The following FILIP1L variants were observed in gnomAD, a reference collection of about 807,000 sequenced individuals.
The protein encoded by FILIP1L is filamin A-interacting protein 1-like.
A neutral mutation model predicts 96.6 loss-of-function variants in FILIP1L; 55 were observed. That is an observed-to-expected ratio of 0.57 (90% CI 0.46 to 0.71). FILIP1L has a LOEUF of 0.71. Among genes scored for constraint, FILIP1L ranks in the 30% least tolerant of loss-of-function variants. FILIP1L has a pLI of 0.00. For missense variants in FILIP1L, 1,304 were observed against 1,321.2 expected, an observed-to-expected ratio of 0.99 and a Z score of 0.20; for synonymous variants, 467 against 473.9, an observed-to-expected ratio of 0.99 and a Z score of 0.19.
chr3:100,010,108 C>A (rs1301223506), intron 1 of FILIP1L: 1 of 914,668 alleles, frequency 1.1e-6, no homozygotes. Context: ...TCACTTTTTT[C>A]TTTCTGTCTC....
At chr3:99,838,306 C>G (rs1942980919) in intron 5 of FILIP1L, among the ~76,000 whole-genome samples, 1 of 152,152 alleles carries the variant, frequency 6.6e-6, no homozygotes. Context: ...TCTCTTGTCA[C>G]CCTAACAGTG....
chr3:99,944,065 T>G (rs769804566), intron 1 of FILIP1L, among the ~76,000 whole-genome samples: 1 of 152,194 alleles, frequency 6.6e-6, no homozygotes, highest in Non-Finnish European at 1.5e-5. Context: ...CCTTCCCTCT[T>G]AGAACATCAA....
At chr3:99,937,473 A>G (rs1225833026) in intron 1 of FILIP1L, among the ~76,000 whole-genome samples, 1 of 152,246 alleles carries the variant, frequency 6.6e-6, no homozygotes, top group Non-Finnish European at 1.5e-5. Context: ...CTTAATAGAA[A>G]GAGTATGAGA....
At chr3:99,897,164 G>C (rs992750008) in intron 4 of FILIP1L, among the ~76,000 whole-genome samples, 1 of 152,130 alleles carries the variant, frequency 6.6e-6, no homozygotes, top group Non-Finnish European at 1.5e-5. Flanking sequence ...TTCGAGACCA[G>C]CCTAGCCAAC....
chr3:100,084,859 C>T (rs1251885632), intron 1 of FILIP1L, among the ~76,000 whole-genome samples: 1 of 152,112 alleles, frequency 6.6e-6, no homozygotes, highest in Non-Finnish European at 1.5e-5. Flanking sequence ...AATACCTATC[C>T]CCAATCAGTC....
Position 99,848,667 on chromosome 3 carries a change from C to G in FILIP1L, c.3009G>C (p.Gln1003His). The change falls in exon 5 of 6, where the codon CAG (glutamine) becomes CAC (histidine). Residue 1003 changes from glutamine to histidine, a missense_variant. By Grantham distance (24) the Gln-to-His change is conservative. Coordinates refer to ENST00000477258, the MANE Select transcript of FILIP1L (RefSeq NM_001387850.1). ...TAGCTGAACCAGTCACAGCCAAAAC[C>G]TGAATAGGGGACATTGTCCTTTCTG... ...LTPERTMSPIQVLAVTGSASS... is the reference protein window; with the variant it reads ...LTPERTMSPIHVLAVTGSASS... The G allele has an allele frequency of 6.2e-7, 1 of 1,614,186 alleles. No homozygotes were observed. The highest frequency in any genetic ancestry group is 8.5e-7 in the Non-Finnish European group (1 of 1,180,028).
chr3:99,921,524 G>C (rs113730975), intron 4 of FILIP1L, among the ~76,000 whole-genome samples: 3 of 152,158 alleles, frequency 2.0e-5, no homozygotes, highest in Non-Finnish European at 4.4e-5. Flanking sequence ...CAAGGGAGTT[G>C]AGAATAGGTT....
At chr3:100,010,865 G>A (rs1412242501) in intron 1 of FILIP1L, among the ~76,000 whole-genome samples, 5 of 141,754 alleles carry the variant, frequency 3.5e-5, no homozygotes, top group African/African-American at 1.3e-4. Flanking sequence ...CTGACCTCAT[G>A]ATCCGCCTGC....
chr3:99,917,967 TTTTTG>T (rs1218470674), intron 4 of FILIP1L, among the ~76,000 whole-genome samples: 6 of 151,938 alleles, frequency 3.9e-5, no homozygotes, highest in Non-Finnish European at 7.4e-5. Context: ...GTTTGTTTGT[TTTTTG>T]TTTTGTTTTG....
chr3:99,959,238 TCC>T (rs1298062248), intron 1 of FILIP1L, among the ~76,000 whole-genome samples: 1 of 152,210 alleles, frequency 6.6e-6, no homozygotes, highest in Non-Finnish European at 1.5e-5. Flanking sequence ...AACCTCCAAC[TCC>T]CAGGTTACAA....
At chr3:99,969,631 G>A (rs915605330) in intron 1 of FILIP1L, among the ~76,000 whole-genome samples, 1 of 152,186 alleles carries the variant, frequency 6.6e-6, no homozygotes, top group African/African-American at 2.4e-5. Context: ...AGATTGGAGA[G>A]CAGAGGTAGT....
intron 1 of FILIP1L, among the ~76,000 whole-genome samples, chr3:100,014,627 T>TTGGA (rs1273235619): frequency 6.6e-6 from 1 of 152,070 alleles, no homozygotes; most frequent in African/African-American, 2.4e-5. Flanking sequence ...TGTTGGCCAT[T>TTGGA]TGGATGTCTT....
At chr3:99,921,276 G>T (rs768332425) in intron 4 of FILIP1L, among the ~76,000 whole-genome samples, 15 of 152,176 alleles carry the variant, frequency 9.9e-5, no homozygotes, top group Admixed American at 2.0e-4. Context: ...CCTCCTCTGA[G>T]CGTTTATTTA....
intron 4 of FILIP1L, among the ~76,000 whole-genome samples, chr3:99,908,884 G>C (rs1706706183): frequency 6.6e-6 from 1 of 152,072 alleles, no homozygotes; most frequent in Non-Finnish European, 1.5e-5. Context: ...GTGTGTGTGT[G>C]TGTGTTCTTT....
chr3:99,903,506 T>C (rs1706510172), intron 4 of FILIP1L, among the ~76,000 whole-genome samples: 1 of 152,116 alleles, frequency 6.6e-6, no homozygotes, highest in Admixed American at 6.5e-5. Flanking sequence ...TGCCTCGGCC[T>C]CCCAAAGTGC....
chr3:100,042,102 A>T (rs985006192), intron 1 of FILIP1L, among the ~76,000 whole-genome samples: 1 of 152,190 alleles, frequency 6.6e-6, no homozygotes, highest in South Asian at 2.1e-4. Context: ...TGTCATATTA[A>T]TAGAAATTCT....
At chr3:99,972,289 C>A (rs1708845804) in intron 1 of FILIP1L, among the ~76,000 whole-genome samples, 1 of 152,128 alleles carries the variant, frequency 6.6e-6, no homozygotes, top group Non-Finnish European at 1.5e-5. Flanking sequence ...TAGTTTTGTT[C>A]ATTTGCCGAA....
At chr3:99,975,486 G>A (rs1708942196) in intron 1 of FILIP1L, among the ~76,000 whole-genome samples, 1 of 152,124 alleles carries the variant, frequency 6.6e-6, no homozygotes, top group African/African-American at 2.4e-5. Context: ...CAGCTACTCG[G>A]GAGGCTGAGG....
At chr3:99,880,007 G>T (rs2107600701) in intron 4 of FILIP1L, among the ~76,000 whole-genome samples, 1 of 152,278 alleles carries the variant, frequency 6.6e-6, no homozygotes, top group Non-Finnish European at 1.5e-5. Flanking sequence ...CAGCCTTCTT[G>T]CAAAGCAGCT....
Sources: allele counts gnomAD v4.1 joint callset (sites outside exome capture counted in the v4.1 genomes callset), GRCh38; gene constraint gnomAD v4.1.1; transcripts MANE v1.5; gene names NCBI Gene and HGNC (gene_info 2026-07-23, HGNC 2026-07-21).